Variants in MDN1 observed in about 807,000 individuals in gnomAD.
The protein encoded by MDN1 is midasin AAA ATPase 1.
A neutral mutation model predicts 669.2 loss-of-function variants in MDN1; 266 were observed. The observed-to-expected ratio is 0.40, with a 90% CI of 0.36 to 0.44. The LOEUF is 0.44. MDN1 is among the 20% of genes least tolerant of loss of function. MDN1 has a pLI of 1.00. For synonymous variants in MDN1, 2,385 were observed against 2,457.1 expected (o/e 0.97, Z 0.87); for missense variants, 5,940 against 6,754.0 (o/e 0.88, Z 4.22).
rs773124262 is a variant in MDN1 at position 89,696,380 on chromosome 6, G to T, written c.9363C>A (p.Ile3121=). 1.4e-5 allele frequency: 23 copies of T among 1,614,034 alleles called. No individual in the cohort carries two copies. Among genetic ancestry groups the T allele is most frequent in the Non-Finnish European group, 2.5e-6 (3 of 1,180,032 alleles). Residue 3121 remains isoleucine, a synonymous_variant, in exon 60 of 102, where the codon ATC becomes ATA. Transcript: ENST00000369393. ...AATACCTGAATTCTGCTACTGAAGA[G>T]ATAGCCATGTTAGTCCAAAGCATCG... The part of the protein sequence containing the change: ...ISSMLWTNMA[I]SSVAEFRRTD...
At chr6:89,660,293 C>G (rs1419392840) in intron 88 of MDN1, among the ~76,000 whole-genome samples, 1 of 152,166 alleles carries the variant, frequency 6.6e-6, no homozygotes, top group Non-Finnish European at 1.5e-5. Context: ...TCAAGCAAGT[C>G]TCTCGCCTCA....
intron 15 of MDN1, among the ~76,000 whole-genome samples, chr6:89,765,939 G>C (rs141449556): frequency 6.6e-6 from 1 of 152,228 alleles, no homozygotes; most frequent in East Asian, 1.9e-4. Flanking sequence ...TGTTATTATT[G>C]ATCTATTGAA....
chr6:89,753,422 A>G, intron 22 of MDN1, 90 bp downstream of exon 22: 3 of 947,846 alleles, frequency 3.2e-6, no homozygotes, highest in Non-Finnish European at 3.2e-6. Context: ...ATAATTAAAA[A>G]GTTATGTGAA....
chr6:89,780,123 T>G, intron 11 of MDN1, 89 bp downstream of exon 11: 1 of 672,088 alleles, frequency 1.5e-6, no homozygotes, highest in Non-Finnish European at 2.4e-6. Context: ...AAGAAAAAAG[T>G]CTGATGGCAA....
At chr6:89,750,579 C>G in intron 23 of MDN1, 47 bp from the exon 24 acceptor site, 2 of 1,538,826 alleles carry the variant, frequency 1.3e-6, no homozygotes, top group Non-Finnish European at 1.8e-6. Flanking sequence ...CAAAAAATTA[C>G]AAAGCTGAGA....
Position 89,683,178 on chromosome 6 carries a change from T to C in MDN1, c.12056A>G (p.Asn4019Ser). 23 of 1,614,134 alleles carry C rather than the reference T, an allele frequency of 1.4e-5. No individual in the cohort carries two copies. Among genetic ancestry groups the C allele is most frequent in the Non-Finnish European group, 1.9e-5 (23 of 1,180,026 alleles). ...ASELSSIQNL[N>S]RALRETLLAQ... ...TAACAGGGTCTCCCTCAGTGCCCTG[T>C]TCAGATTCTGAATGGAAGACAGTTC... Residue 4019 changes from asparagine (N) to serine (S), a missense_variant, in exon 73 of 102, where the codon AAC becomes AGC. Around this residue, in one of 5 missense-constraint regions of MDN1, gnomAD observed 2,280 missense variants for 2,576.3 expected, o/e 0.88. Coordinates refer to ENST00000369393, the MANE Select transcript of MDN1 (RefSeq NM_014611.3).
intron 20 of MDN1, among the ~76,000 whole-genome samples, chr6:89,755,066 A>G (rs896731655): frequency 6.6e-6 from 1 of 151,292 alleles, no homozygotes; most frequent in Admixed American, 6.6e-5. Context: ...TCCTTTATCT[A>G]CCTCTTTAGA....
At chr6:89,667,806 CA>C (rs2128302869) in intron 84 of MDN1, among the ~76,000 whole-genome samples, 1 of 152,084 alleles carries the variant, frequency 6.6e-6, no homozygotes, top group African/African-American at 2.4e-5. Context: ...TAATTATAGC[CA>C]AAACCAATGA....
chr6:89,686,766 T>C (rs1812037677), intron 69 of MDN1, 136 bp downstream of exon 69: 1 of 1,183,430 alleles, frequency 8.5e-7, no homozygotes, highest in Non-Finnish European at 1.2e-6. Context: ...CTCAGAAATA[T>C]CATGAAGTCA....
chr6:89,674,077 G>A, intron 79 of MDN1, 27 bp downstream of exon 79: 1 of 1,607,970 alleles, frequency 6.2e-7, no homozygotes, highest in Non-Finnish European at 8.5e-7. Context: ...AGCACACAGA[G>A]AAGTGTAAAG....
In MDN1 at chr6:89,707,461, A is replaced by C; in HGVS notation, c.7914T>G (p.Leu2638=). The change falls in exon 52 of 102, where the codon CTT becomes CTG. Residue 2638 remains leucine, a synonymous_variant. Coordinates refer to ENST00000369393, the MANE Select transcript of MDN1 (RefSeq NM_014611.3). ...ESAANKTIIY[L]DREKRVFTEA... is the part of the protein sequence containing the mutation. ...CAGTAAAAACCCGTTTTTCCCGGTC[A>C]AGATATATGATTGTCCTGGAATGAG... The C allele has an allele frequency of 6.2e-7, 1 of 1,610,446 alleles. No individual in the cohort carries two copies. The highest frequency in any genetic ancestry group is 8.5e-7 in the Non-Finnish European group (1 of 1,176,714).
chr6:89,761,577 A>G, intron 17 of MDN1, 68 bp downstream of exon 17: 1 of 1,163,458 alleles, frequency 8.6e-7, no homozygotes, highest in Non-Finnish European at 1.2e-6. Flanking sequence ...CAAAATAGTA[A>G]CCTGCCTGAA....
In MDN1 at chr6:89,687,112, C is replaced by T. The variant is rs193294440; in HGVS notation, c.11451-89G>A. ...ATGCAGAAGCTACATGCTCACATTT[C>T]TCTCCTCCCAAATGGAGATGGAGGA... On this transcript the variant is annotated intron_variant, in intron 68 of 101. Coordinates refer to ENST00000369393, the MANE Select transcript of MDN1 (RefSeq NM_014611.3). 486 of 1,554,256 alleles carry T rather than the reference C, an allele frequency of 3.1e-4. No homozygotes were observed. The African/African-American group carries it at 6.1e-3, about 20-fold the overall frequency.
At position 89,683,240 on chromosome 6, in the gene MDN1, A is replaced by G. The variant is rs773813189; in HGVS notation, c.11994T>C (p.Pro3998=). Residue 3998 remains proline (P), a synonymous_variant, in exon 73 of 102, where the codon CCT becomes CCC. Coordinates refer to ENST00000369393, the MANE Select transcript of MDN1 (RefSeq NM_014611.3). The part of the protein sequence containing the change: ...SLVESDKEEQ[P]DFLPRPTDGA... ...CATCTGTTGGCCTGGGCAAAAAGTC[A>G]GGCTGTTCTTCCTTGTCACTCTCCA... 2 of 1,614,196 alleles carry G rather than the reference A, an allele frequency of 1.2e-6. No homozygotes were observed. The highest frequency in any genetic ancestry group is 4.5e-5 in the East Asian group (2 of 44,882).
At chr6:89,818,378 A>G (rs367786752) in intron 1 of MDN1, among the ~76,000 whole-genome samples, 5 of 151,280 alleles carry the variant, frequency 3.3e-5, no homozygotes, top group African/African-American at 9.7e-5. Context: ...TCACTCCTAC[A>G]ATCCCTGCAC....
rs1812694723 is a variant in MDN1, at chr6:89,695,743, C to G, written c.9633G>C (p.Lys3211Asn). Residue 3211 changes from lysine (K) to asparagine (N), a missense_variant, in exon 61 of 102, where the codon AAG becomes AAC. By Grantham distance (94) the Lys-to-Asn change is moderately conservative (BLOSUM62 0). Transcript: ENST00000369393. The surrounding 1 kb of genome is among the most constrained non-coding windows in gnomAD (Gnocchi z 4.1). ...LHHFVGEGES[K>N]RSLPEPAQRG... ...GCTGGGCTGGCTCAGGCAGGCTCCT[C>G]TTACTCTCCCCTTCACCAACAAAGT... The G allele has an allele frequency of 1.2e-6, 2 of 1,613,656 alleles. No individual in the cohort carries two copies. The highest frequency in any genetic ancestry group is 1.7e-6 in the Non-Finnish European group (2 of 1,180,032).
chr6:89,788,204 C>G (rs892503711), intron 7 of MDN1, among the ~76,000 whole-genome samples: 2 of 152,152 alleles, frequency 1.3e-5, no homozygotes, highest in Admixed American at 6.5e-5. Context: ...AGAATACAGA[C>G]AGGACCAAGG....
chr6:89,815,685 T>C (rs1768779394), intron 1 of MDN1, among the ~76,000 whole-genome samples: 1 of 152,194 alleles, frequency 6.6e-6, no homozygotes. Context: ...ATGCATCGTA[T>C]ACTTGACCTT....
At chr6:89,760,230 T>A (rs1326820845) in intron 17 of MDN1, among the ~76,000 whole-genome samples, 5 of 152,142 alleles carry the variant, frequency 3.3e-5, no homozygotes, top group African/African-American at 7.2e-5. Context: ...TTTTTTTAAA[T>A]GACCAAGCCA....
Sources: allele counts gnomAD v4.1 joint callset (sites outside exome capture counted in the v4.1 genomes callset), GRCh38; gene constraint gnomAD v4.1.1; regional missense constraint gnomAD v4.1.1; non-coding constraint Gnocchi (gnomAD v3.1); transcripts MANE v1.5; gene names NCBI Gene and HGNC (gene_info 2026-07-23, HGNC 2026-07-21).